The following CRTC1 variants were observed in gnomAD, a reference collection of about 807,000 sequenced individuals.
CRTC1 encodes the protein CREB regulated transcription coactivator 1.
CRTC1 carries 18 observed loss-of-function variants against 66.1 expected under a neutral mutation model. The ratio of observed to expected loss-of-function variants is 0.27; its 90% confidence interval spans 0.19 to 0.40. The LOEUF (loss-of-function observed/expected upper bound fraction) is 0.40. CRTC1 is among the 10% of genes least tolerant of loss of function. CRTC1 has a pLI of 1.00. For synonymous variants in CRTC1, 416 were observed against 398.8 expected, an observed-to-expected ratio of 1.04 and a Z score of -0.51; for missense variants, 669 against 887.9, an observed-to-expected ratio of 0.75 and a Z score of 3.13.
At chr19:18,775,908 G>T (rs2054978118) in intron 13 of CRTC1, 87 bp downstream of exon 13, 1 of 1,391,360 alleles carries the variant, frequency 7.2e-7, no homozygotes, top group African/African-American at 1.5e-5. Context: ...CCCGCAGCAG[G>T]AGGGTTGACA....
At chr19:18,702,171 C>T (rs1224637446) in intron 1 of CRTC1, among the ~76,000 whole-genome samples, 1 of 151,770 alleles carries the variant, frequency 6.6e-6, no homozygotes, top group African/African-American at 2.4e-5. Flanking sequence ...GATTTGCCCG[C>T]CTCAGCCTCC....
At chr19:18,756,006 T>A (rs553185347) in intron 6 of CRTC1, among the ~76,000 whole-genome samples, 89 of 152,200 alleles carry the variant, frequency 5.8e-4, no homozygotes, top group African/African-American at 2.1e-3. Context: ...AAAGAGTCAC[T>A]GAGATTTCCA....
chr19:18,692,618 G>T (rs978669934), intron 1 of CRTC1, among the ~76,000 whole-genome samples: 2 of 138,964 alleles, frequency 1.4e-5, no homozygotes, highest in South Asian at 2.3e-4. Flanking sequence ...AAAAAAAAAA[G>T]AAGTGGTTAG....
intron 1 of CRTC1, among the ~76,000 whole-genome samples, chr19:18,707,693 C>T (rs1039636778): frequency 6.6e-6 from 1 of 152,118 alleles, no homozygotes; most frequent in African/African-American, 2.4e-5. Context: ...AGTATTGCCA[C>T]CTCTGAAATA....
At chr19:18,706,742 C>T (rs1158364793) in intron 1 of CRTC1, among the ~76,000 whole-genome samples, 3 of 152,112 alleles carry the variant, frequency 2.0e-5, no homozygotes, top group Non-Finnish European at 2.9e-5. Context: ...TTGCATTTCC[C>T]TAATGATTAG....
At chr19:18,720,082 C>A (rs1215504688) in intron 1 of CRTC1, among the ~76,000 whole-genome samples, 1 of 152,226 alleles carries the variant, frequency 6.6e-6, no homozygotes, top group Admixed American at 6.5e-5. Flanking sequence ...TACAAATAGA[C>A]GTGTGCTTGC....
chr19:18,686,693 C>T (rs1042968583), intron 1 of CRTC1, among the ~76,000 whole-genome samples: 2 of 152,216 alleles, frequency 1.3e-5, no homozygotes, highest in Admixed American at 6.5e-5. Context: ...GGTGGCAGTT[C>T]TTTCAGCCCT....
chr19:18,689,623 A>G (rs910340071), intron 1 of CRTC1, among the ~76,000 whole-genome samples: 2 of 128,786 alleles, frequency 1.6e-5, no homozygotes, highest in African/African-American at 6.4e-5. Flanking sequence ...TTTTTTAAGT[A>G]TAAAATTCAG....
intron 1 of CRTC1, among the ~76,000 whole-genome samples, chr19:18,718,062 G>A (rs1014744519): frequency 2.0e-5 from 3 of 152,172 alleles, no homozygotes; most frequent in Non-Finnish European, 4.4e-5. Context: ...GGCGTTTGGC[G>A]CATTCACAGT....
chr19:18,759,147 G>A (rs1223173499), intron 6 of CRTC1, among the ~76,000 whole-genome samples: 3 of 152,198 alleles, frequency 2.0e-5, no homozygotes, highest in Admixed American at 6.5e-5. Context: ...AGGCTGCGGC[G>A]AGCTGTGATC....
chr19:18,723,927 C>T (rs954864080), intron 1 of CRTC1, among the ~76,000 whole-genome samples: 2 of 152,172 alleles, frequency 1.3e-5, no homozygotes, highest in Non-Finnish European at 2.9e-5. Flanking sequence ...TTGGAGCCTC[C>T]GGGAGGGAGG....
intron 1 of CRTC1, among the ~76,000 whole-genome samples, chr19:18,693,504 CAG>C (rs1005920170): frequency 4.4e-5 from 5 of 113,572 alleles, no homozygotes; most frequent in Non-Finnish European, 8.6e-5. Context: ...TTTTTTGAAA[CAG>C]AGTTTCTCTC....
At chr19:18,772,254 C>T (rs1397096393) in intron 11 of CRTC1, among the ~76,000 whole-genome samples, 1 of 152,230 alleles carries the variant, frequency 6.6e-6, no homozygotes, top group East Asian at 1.9e-4. Flanking sequence ...GCCTGGCTCC[C>T]CACTCAGCCT....
In CRTC1 at chr19:18,774,951, A is replaced by G; in HGVS notation, c.1477A>G (p.Met493Val). 2 of 1,609,216 alleles carry G rather than the reference A, an allele frequency of 1.2e-6. No individual in the cohort carries two copies. The highest frequency in any genetic ancestry group is 1.7e-5 in the Admixed American group (1 of 60,026). ...TGGGGACGCGTACTATGAGCAGCAG[A>G]TGGCGGCCAGGCAGGCCAATGCTCT... is the stretch of plus-strand genomic sequence containing the variant. ...VFGDAYYEQQ[M>V]AARQANALSH... Residue 493 changes from methionine to valine, a missense_variant, in exon 12 of 14, where the codon ATG becomes GTG. Physicochemically the swap from Met to Val is conservative, Grantham distance 21. Transcript: ENST00000321949.
In CRTC1 at chr19:18,775,626, T is replaced by C. The variant is rs766836660; in HGVS notation, c.1513-15T>C. 5 of 1,555,918 alleles carry C rather than the reference T, an allele frequency of 3.2e-6. No homozygotes were observed. The highest frequency in any genetic ancestry group is 8.7e-7 in the Non-Finnish European group (1 of 1,149,280). ...CCGCGGTGGCCCTCACAGCCTGGTG[T>C]GCCTCCCTTCCCAGCTGGAGCAGTT... On this transcript the variant is annotated splice_polypyrimidine_tract_variant and intron_variant, in intron 12 of 13. Coordinates refer to ENST00000321949, the MANE Select transcript of CRTC1 (RefSeq NM_015321.3).
At chr19:18,742,531 G>A (rs1480566536) in intron 1 of CRTC1, among the ~76,000 whole-genome samples, 1 of 152,216 alleles carries the variant, frequency 6.6e-6, no homozygotes, top group Non-Finnish European at 1.5e-5. Flanking sequence ...ACAGCCTCTG[G>A]CCGTGATAAG....
At chr19:18,719,760 C>T (rs569427172) in intron 1 of CRTC1, among the ~76,000 whole-genome samples, 8 of 152,230 alleles carry the variant, frequency 5.3e-5, no homozygotes, top group Non-Finnish European at 5.9e-5. Flanking sequence ...CAGAGGCCTG[C>T]GGGCGGCTGA....
At chr19:18,774,000 C>A (rs545824553) in intron 11 of CRTC1, among the ~76,000 whole-genome samples, 1 of 152,226 alleles carries the variant, frequency 6.6e-6, no homozygotes, top group African/African-American at 2.4e-5. Flanking sequence ...TTCACCTGGA[C>A]GCCTTATAGG....
chr19:18,683,690 T>TGGCGGC lies in CRTC1; in HGVS notation c.-11_-6dup. 9 of 1,365,606 alleles carry TGGCGGC rather than the reference T, an allele frequency of 6.6e-6. No homozygotes were observed. Among genetic ancestry groups the TGGCGGC allele is most frequent in the Non-Finnish European group, 8.7e-6 (9 of 1,034,882 alleles). 84.6% of individuals were successfully genotyped at this position (1,365,606 alleles called of 1,614,324 possible). On this transcript the variant is annotated 5_prime_UTR_variant, in exon 1 of 14. Coordinates refer to ENST00000321949, the MANE Select transcript of CRTC1 (RefSeq NM_015321.3). ...GAGGAGGAGGAGGAGGAGGAGGAGG[T>TGGCGGC]GGCGGCGAGAAGATGGCGACTTCGA...
Sources: gnomAD v4.1 joint callset for allele counts (sites outside exome capture counted in the v4.1 genomes callset) on GRCh38, gnomAD v4.1.1 for gene constraint, MANE v1.5 for transcripts, NCBI Gene and HGNC (gene_info 2026-07-23, HGNC 2026-07-21) for gene names.